Variants in KIAA0232 observed in about 807,000 individuals in gnomAD.
KIAA0232 encodes the protein uncharacterized protein KIAA0232.
In KIAA0232, 27 loss-of-function variants were observed where a neutral mutation model predicts 122.0. The observed-to-expected ratio is 0.22, with a 90% CI of 0.16 to 0.31. KIAA0232 has a LOEUF of 0.31. KIAA0232 is among the 10% of genes least tolerant of loss of function. KIAA0232 has a pLI of 1.00. For missense variants in KIAA0232, 1,551 were observed against 1,634.2 expected (o/e 0.95, Z 0.88); for synonymous variants, 613 against 587.6 (o/e 1.04, Z -0.63).
intron 8 of KIAA0232, among the ~76,000 whole-genome samples, chr4:6,872,240 G>A (rs993564161): frequency 6.6e-6 from 1 of 152,230 alleles, no homozygotes; most frequent in African/African-American, 2.4e-5. Flanking sequence ...TTGAAAAACT[G>A]AAGGCTATTG....
At chr4:6,840,167 T>A (rs1719567656) in intron 3 of KIAA0232, among the ~76,000 whole-genome samples, 1 of 152,186 alleles carries the variant, frequency 6.6e-6, no homozygotes, top group East Asian at 1.9e-4. Context: ...CCTCTTTTTG[T>A]CAGCTTGGTT....
chr4:6,788,889 G>T (rs1224899064), intron 1 of KIAA0232, among the ~76,000 whole-genome samples: 1 of 152,250 alleles, frequency 6.6e-6, no homozygotes, highest in African/African-American at 2.4e-5. Context: ...CTGGTTAATT[G>T]TATATGCTAG....
At chr4:6,801,795 T>C (rs1717396947) in intron 1 of KIAA0232, among the ~76,000 whole-genome samples, 1 of 152,218 alleles carries the variant, frequency 6.6e-6, no homozygotes, top group Admixed American at 6.5e-5. Flanking sequence ...ACGTGGATTC[T>C]GGTTTATTTG....
chr4:6,785,704 C>T (rs1195753956), intron 1 of KIAA0232, among the ~76,000 whole-genome samples: 1 of 152,206 alleles, frequency 6.6e-6, no homozygotes, highest in East Asian at 1.9e-4. Context: ...GTCTCTGGCT[C>T]AGTAGGCTTC....
intron 1 of KIAA0232, among the ~76,000 whole-genome samples, chr4:6,784,865 CG>C (rs1222445046): frequency 6.6e-6 from 1 of 151,486 alleles, no homozygotes; most frequent in Non-Finnish European, 1.5e-5. Flanking sequence ...TTTAACATGA[CG>C]TTAACAGAAG....
chr4:6,831,461 G>T (rs1226153522), intron 3 of KIAA0232, among the ~76,000 whole-genome samples: 2 of 152,144 alleles, frequency 1.3e-5, no homozygotes, highest in African/African-American at 4.8e-5. Flanking sequence ...GTGTTGGATG[G>T]TTAGATTTCT....
In KIAA0232 at chr4:6,864,160, G is replaced by A. The variant is rs761038580; in HGVS notation, c.3778G>A (p.Val1260Ile). Reference sequence around the variant, plus strand: ...GTTTCCTGCTTATGAAGATAATCCAGTTTCTTCGGGACAGCTGGAAGAGGT... The same window carrying A: ...GTTTCCTGCTTATGAAGATAATCCAATTTCTTCGGGACAGCTGGAAGAGGT... The part of the protein sequence containing the change: ...CQFPAYEDNP[V>I]SSGQLEEFPV... The change falls in exon 7 of 10, where the codon GTT becomes ATT. Residue 1260 changes from valine to isoleucine, a missense_variant. Physicochemically the swap from Val to Ile is conservative, Grantham distance 29. Around this residue, in one of 5 missense-constraint regions of KIAA0232, gnomAD observed 1,108 missense variants for 1,154.8 expected, o/e 0.96. Coordinates refer to ENST00000307659, the MANE Select transcript of KIAA0232 (RefSeq NM_014743.3). 1.2e-6 allele frequency: 2 copies of A among 1,612,710 alleles called. No homozygotes were observed. The highest frequency in any genetic ancestry group is 4.5e-5 in the East Asian group (2 of 44,872).
chr4:6,862,172 G>C lies in KIAA0232; in HGVS notation c.1790G>C (p.Ser597Thr), dbSNP rs752327429. ...CAGTTTTGGGAGTGCTGTTCATCCA[G>C]CTCCGGTGATGCTGATGGGGAGAGT... ...LAQFWECCSSSSGDADGESFG... is the reference protein window; with the variant it reads ...LAQFWECCSSTSGDADGESFG... The change falls in exon 7 of 10, where the codon AGC (serine) becomes ACC (threonine). Residue 597 changes from serine to threonine, a missense_variant. Ser to Thr is a moderately conservative substitution (Grantham distance 58, BLOSUM62 1). This residue lies in a region of KIAA0232 where 1,108 missense variants were observed against 1,154.8 expected (regional missense o/e 0.96). Transcript: ENST00000307659. The C allele has an allele frequency of 1.2e-6, 2 of 1,614,166 alleles. No homozygotes were observed. The highest frequency in any genetic ancestry group is 2.2e-5 in the South Asian group (2 of 91,078).
At chr4:6,866,172 T>A in intron 7 of KIAA0232, 1 of 946,470 alleles carries the variant, frequency 1.1e-6, no homozygotes. Flanking sequence ...TTATGTACTT[T>A]GTATTTCACC....
At chr4:6,811,691 C>T (rs529663348) in intron 2 of KIAA0232, among the ~76,000 whole-genome samples, 271 of 151,812 alleles carry the variant, frequency 1.8e-3, no homozygotes, top group Non-Finnish European at 2.3e-3. Flanking sequence ...ACAGTCCGTC[C>T]GCCTCGGCCA....
Position 6,855,974 on chromosome 4 carries a change from A to G in KIAA0232, c.370-1190A>G. On this transcript the variant is annotated intron_variant, in intron 4 of 9. Transcript: ENST00000307659. The surrounding 1 kb of genome is among the most constrained non-coding windows in gnomAD (Gnocchi z 4.3). ...ACTAATATCTGCCATCGTTTTTAAG[A>G]GTGTTTTTAAAGGAAAGGGCAACTC... 1 of 536,266 alleles carries G rather than the reference A, an allele frequency of 1.9e-6. No individual in the cohort carries two copies. The highest frequency in any genetic ancestry group is 2.4e-6 in the Non-Finnish European group (1 of 419,640). The allele number at this position is 536,266 out of a possible 1,614,324, so 33.2% of individuals were successfully genotyped here.
At position 6,870,046 on chromosome 4, in the gene KIAA0232, A is replaced by G. The variant is rs143290097; in HGVS notation, c.3802-1528A>G. Among the ~76,000 whole-genome samples the G allele has an allele frequency of 1.3e-3, 201 of 152,358 alleles. 1 individual carries two copies. The highest frequency in any genetic ancestry group is 4.5e-3 in the African/African-American group (187 of 41,588). On this transcript the variant is annotated intron_variant, in intron 7 of 9. Transcript: ENST00000307659. ...CTGGGGCAGGCTCACTCTCTCAGGC[A>G]CAGTGAGGAAGGCACACTGAAGGGG...
At chr4:6,834,968 AC>A (rs1719185233) in intron 3 of KIAA0232, among the ~76,000 whole-genome samples, 1 of 152,174 alleles carries the variant, frequency 6.6e-6, no homozygotes, top group South Asian at 2.1e-4. Context: ...CAACAACAAC[AC>A]GATCATATGA....
Position 6,882,004 on chromosome 4 carries a change from T to TA in KIAA0232, c.*1039dup, listed in dbSNP as rs112171924. The TA allele has an allele frequency of 4.6e-5, 7 of 152,640 alleles. 1 individual carries two copies. Among genetic ancestry groups the TA allele is most frequent in the African/African-American group, 1.7e-4 (7 of 41,522 alleles). 9.5% of individuals were successfully genotyped at this position (152,640 alleles called of 1,614,324 possible). A position where few individuals can be genotyped will look rare whatever the true frequency, so the allele number is the denominator to read the frequency against. On this transcript the variant is annotated 3_prime_UTR_variant, in exon 10 of 10. Coordinates refer to ENST00000307659, the MANE Select transcript of KIAA0232 (RefSeq NM_014743.3). ...TCTGTGTGTGGTGGGTTGGGGCGGG[T>TA]AGAGTCATGAGTTTTCCACATCCCT...
intron 1 of KIAA0232, among the ~76,000 whole-genome samples, chr4:6,786,337 T>G (rs1233678037): frequency 1.3e-5 from 2 of 152,234 alleles, no homozygotes; most frequent in African/African-American, 2.4e-5. Context: ...CATCTTGCTT[T>G]GTCACCCAGG....
At chr4:6,812,118 T>C (rs1278595637) in intron 2 of KIAA0232, among the ~76,000 whole-genome samples, 2 of 152,136 alleles carry the variant, frequency 1.3e-5, no homozygotes. Flanking sequence ...TTCTTCCAGG[T>C]AGTGTCTTGG....
chr4:6,825,389 A>G (rs534414331), intron 3 of KIAA0232, among the ~76,000 whole-genome samples: 92 of 152,222 alleles, frequency 6.0e-4, no homozygotes, highest in African/African-American at 2.1e-3. Flanking sequence ...CTTTACAAAA[A>G]GTATTAAAAA....
chr4:6,795,076 T>TTGTTTTGTTTTGTTTTGTTA (rs1367394749), intron 1 of KIAA0232, among the ~76,000 whole-genome samples: 2 of 152,032 alleles, frequency 1.3e-5, no homozygotes, highest in African/African-American at 4.8e-5. Context: ...ATGTTTTGTT[T>TTGTTTTGTTTTGTTTTGTTA]TGTTTTGTTT....
At chr4:6,835,286 T>G (rs185456884) in intron 3 of KIAA0232, among the ~76,000 whole-genome samples, 218 of 152,012 alleles carry the variant, frequency 1.4e-3, no homozygotes, top group African/African-American at 5.1e-3. Context: ...TCACATAGAA[T>G]CACTTCCATT....
Sources: allele counts gnomAD v4.1 joint callset (sites outside exome capture counted in the v4.1 genomes callset), GRCh38; gene constraint gnomAD v4.1.1; regional missense constraint gnomAD v4.1.1; non-coding constraint Gnocchi (gnomAD v3.1); transcripts MANE v1.5; gene names NCBI Gene and HGNC (gene_info 2026-07-23, HGNC 2026-07-21).